MRAP2: variants seen among roughly 807,000 people sequenced by gnomAD.
MRAP2 encodes the protein melanocortin 2 receptor accessory protein 2.
A neutral mutation model predicts 17.4 loss-of-function variants in MRAP2; 20 were observed. The observed-to-expected ratio is 1.15, with a 90% CI of 0.81 to 1.67. The LOEUF (loss-of-function observed/expected upper bound fraction) is 1.67, where lower values mean the gene tolerates loss of function less well. Ranked by LOEUF, MRAP2 falls within the 40% of genes most tolerant of loss-of-function variation. The pLI, the probability that MRAP2 is intolerant of heterozygous loss-of-function variation, is 0.00. For missense variants in MRAP2, 238 were observed against 240.0 expected (o/e 0.99, Z 0.05); for synonymous variants, 96 against 88.4 (o/e 1.09, Z -0.48).
Position 84,053,799 on chromosome 6 carries a change from T to C in MRAP2, c.-7-1513T>C, listed in dbSNP as rs1371293730. Among the ~76,000 whole-genome samples, 3 of 152,354 alleles carry C rather than the reference T, an allele frequency of 2.0e-5. No homozygotes were observed. The South Asian group carries it at 6.2e-4, about 32-fold the overall frequency. Reference sequence around the variant, plus strand: ...CTGAAGCTCAGATTTTTCAGGGCTCTAGAGCAGGGATTGGCAAACTTTTTC... The same window carrying C: ...CTGAAGCTCAGATTTTTCAGGGCTCCAGAGCAGGGATTGGCAAACTTTTTC... On this transcript the variant is annotated intron_variant, in intron 1 of 3. Coordinates refer to ENST00000257776, the MANE Select transcript of MRAP2 (RefSeq NM_138409.4).
Position 84,087,281 on chromosome 6 carries a change from C to T in MRAP2, c.228-1810C>T, listed in dbSNP as rs900095777. On this transcript the variant is annotated intron_variant, in intron 3 of 3. Transcript: ENST00000257776. The stretch of plus-strand genomic sequence containing the variant: ...CGAAGCAGGGAGGGGACTTCCAGGT[C>T]GTAAGTAGATAAGAGACAATGGTTG... Among the ~76,000 whole-genome samples the T allele has an allele frequency of 2.6e-5, 4 of 152,092 alleles. No individual in the cohort carries two copies. The highest frequency in any genetic ancestry group is 5.9e-5 in the Non-Finnish European group (4 of 68,032).
intron 3 of MRAP2, among the ~76,000 whole-genome samples, chr6:84,074,133 G>A (rs1488382130): frequency 6.6e-6 from 1 of 152,094 alleles, no homozygotes; most frequent in Non-Finnish European, 1.5e-5. Flanking sequence ...GAAGAAAAAG[G>A]AACCCATTCC....
the MRAP2 span, among the ~76,000 whole-genome samples, chr6:84,107,035 G>A: frequency 6.6e-6 from 1 of 152,044 alleles, no homozygotes; most frequent in Admixed American, 6.6e-5. Context: ...TCACATATAG[G>A]GTCCTTCCAA....
intron 2 of MRAP2, among the ~76,000 whole-genome samples, chr6:84,060,573 G>T (rs533890816): frequency 6.6e-6 from 1 of 152,280 alleles, no homozygotes; most frequent in African/African-American, 2.4e-5. Context: ...ACAGTGTAGG[G>T]AACTGTTATT....
intron 1 of MRAP2, among the ~76,000 whole-genome samples, chr6:84,053,743 T>A (rs961177760): frequency 2.6e-5 from 4 of 152,260 alleles, no homozygotes; most frequent in Non-Finnish European, 5.9e-5. Flanking sequence ...AAGTGGGTAC[T>A]ATAATCATCT....
intron 2 of MRAP2, chr6:84,061,915 A>C: frequency 1.0e-6 from 1 of 985,430 alleles, no homozygotes; most frequent in African/African-American, 1.7e-5. Context: ...AGAGCTTTTC[A>C]TGAAAGAGCA....
intron 1 of MRAP2, among the ~76,000 whole-genome samples, chr6:84,043,530 T>C (rs1402613293): frequency 1.3e-5 from 2 of 152,156 alleles, no homozygotes; most frequent in Non-Finnish European, 1.5e-5. Context: ...GAGGACCATT[T>C]TGAGGGTTCC....
the MRAP2 span, among the ~76,000 whole-genome samples, chr6:84,131,137 G>C: frequency 2.2e-4 from 33 of 152,156 alleles, no homozygotes; most frequent in Admixed American, 2.2e-3. Flanking sequence ...CAGGAGCAGT[G>C]GTTCAGTTTC....
downstream of MRAP2, among the ~76,000 whole-genome samples, chr6:84,094,378 C>G (rs796550587): frequency 3.3e-5 from 5 of 152,306 alleles, no homozygotes; most frequent in African/African-American, 1.2e-4. Context: ...TTCCTCTTCA[C>G]TTAAAGTTCT....
Position 84,050,460 on chromosome 6 carries a change from G to A in MRAP2, c.-7-4852G>A, listed in dbSNP as rs1032262853. ...AACCTTGAAGTCTCTCATTTTCTGT[G>A]TGGCCCTACCCTAGGCACGAGTAAG... is the stretch of plus-strand genomic sequence containing the variant. On this transcript the variant is annotated intron_variant, in intron 1 of 3. Transcript: ENST00000257776. Among the ~76,000 whole-genome samples the A allele has an allele frequency of 2.0e-5, 3 of 152,178 alleles. No individual in the cohort carries two copies. The East Asian group carries it at 5.8e-4, about 29-fold the overall frequency.
At chr6:84,073,711 T>C (rs1482707771) in intron 3 of MRAP2, among the ~76,000 whole-genome samples, 2 of 152,224 alleles carry the variant, frequency 1.3e-5, no homozygotes, top group East Asian at 1.9e-4. Flanking sequence ...TTGGCCTGGA[T>C]TCTTAACTTC....
chr6:84,036,139 T>TA (rs2099485908), intron 1 of MRAP2, among the ~76,000 whole-genome samples: 1 of 151,788 alleles, frequency 6.6e-6, no homozygotes, highest in African/African-American at 2.4e-5. Flanking sequence ...TTTTTTTTTT[T>TA]AAATTTTTCT....
the MRAP2 span, among the ~76,000 whole-genome samples, chr6:84,140,806 G>A: frequency 6.6e-6 from 1 of 152,162 alleles, no homozygotes; most frequent in Non-Finnish European, 1.5e-5. Flanking sequence ...ATTTACAGGC[G>A]TGAGTCACTT....
chr6:84,040,496 A>G (rs1256538135), intron 1 of MRAP2, among the ~76,000 whole-genome samples: 2 of 152,200 alleles, frequency 1.3e-5, no homozygotes, highest in African/African-American at 4.8e-5. Flanking sequence ...GAAGACAGGA[A>G]AATGTGGGCA....
the MRAP2 span, among the ~76,000 whole-genome samples, chr6:84,108,741 T>A: frequency 6.6e-6 from 1 of 152,196 alleles, no homozygotes; most frequent in Admixed American, 6.5e-5. Flanking sequence ...TGTCATCAAA[T>A]CTTTGACCAT....
At chr6:84,143,634 AAGAG>A in the MRAP2 span, among the ~76,000 whole-genome samples, 2 of 151,904 alleles carry the variant, frequency 1.3e-5, no homozygotes, top group South Asian at 2.1e-4. Context: ...AGGAGAGAGA[AAGAG>A]AAAGTGAGAA....
the MRAP2 span, among the ~76,000 whole-genome samples, chr6:84,133,559 C>A: frequency 6.6e-6 from 1 of 152,188 alleles, no homozygotes; most frequent in Admixed American, 6.5e-5. Context: ...CAAGCCTCAG[C>A]AACGGCGGAT....
chr6:84,048,641 T>TA (rs2129161676), intron 1 of MRAP2, among the ~76,000 whole-genome samples: 1 of 152,304 alleles, frequency 6.6e-6, no homozygotes, highest in Non-Finnish European at 1.5e-5. Context: ...GACACTGGAA[T>TA]AAAGGATGGC....
At chr6:84,140,788 A>G in the MRAP2 span, among the ~76,000 whole-genome samples, 2 of 152,126 alleles carry the variant, frequency 1.3e-5, no homozygotes, top group Admixed American at 1.3e-4. Flanking sequence ...GTCTCCCAAA[A>G]TGCTAGGATT....
Sources: allele counts gnomAD v4.1 joint callset (sites outside exome capture counted in the v4.1 genomes callset), GRCh38; gene constraint gnomAD v4.1.1; transcripts MANE v1.5; gene names NCBI Gene and HGNC (gene_info 2026-07-23, HGNC 2026-07-21).